Variants in RNF130 observed in about 807,000 individuals in gnomAD.
The protein encoded by RNF130 is ring finger protein 130.
Under a neutral mutation model 44.6 loss-of-function variants are expected in RNF130, and 21 were observed. The observed-to-expected ratio is 0.47, with a 90% CI of 0.33 to 0.68. The LOEUF is 0.68. Ranked by LOEUF, RNF130 falls within the 30% of genes least tolerant of loss-of-function variation. The pLI, the probability that RNF130 is intolerant of heterozygous loss-of-function variation, is 0.02. For missense variants in RNF130, 479 were observed against 560.6 expected (o/e 0.85, Z 1.47); for synonymous variants, 214 against 210.4 (o/e 1.02, Z -0.15).
At chr5:179,988,105 T>C (rs1361262537) in intron 3 of RNF130, among the ~76,000 whole-genome samples, 1 of 152,260 alleles carries the variant, frequency 6.6e-6, no homozygotes, top group East Asian at 1.9e-4. Flanking sequence ...TGAGTTTTTG[T>C]TGAGGGATCA....
intron 7 of RNF130, among the ~76,000 whole-genome samples, chr5:179,935,647 T>A (rs1761879249): frequency 2.0e-5 from 3 of 152,160 alleles, no homozygotes; most frequent in Admixed American, 1.3e-4. Flanking sequence ...TCGCTGGTCC[T>A]ATAGTCCTCT....
intron 2 of RNF130, among the ~76,000 whole-genome samples, chr5:180,032,017 T>C (rs1000675820): frequency 6.6e-6 from 1 of 152,232 alleles, no homozygotes; most frequent in Non-Finnish European, 1.5e-5. Flanking sequence ...ATCAATAAAA[T>C]GTCTAATTAT....
At chr5:179,995,651 T>A (rs1040365181) in intron 3 of RNF130, among the ~76,000 whole-genome samples, 6 of 152,170 alleles carry the variant, frequency 3.9e-5, no homozygotes, top group Non-Finnish European at 8.8e-5. Flanking sequence ...ACTCCCTAAG[T>A]AAGATCCAGG....
At chr5:180,061,064 GTC>G (rs796114292) in intron 1 of RNF130, among the ~76,000 whole-genome samples, 14 of 79,580 alleles carry the variant, frequency 1.8e-4, no homozygotes, top group African/African-American at 7.8e-4. Flanking sequence ...GCGAGACTCC[GTC>G]TCAAAAAAAA....
intron 1 of RNF130, among the ~76,000 whole-genome samples, chr5:180,070,166 T>C (rs779836228): frequency 2.0e-5 from 3 of 152,216 alleles, no homozygotes; most frequent in Non-Finnish European, 2.9e-5. Context: ...GGCAACACTG[T>C]GCATCTCAAC....
At chr5:180,037,451 C>T (rs1764275995) in intron 2 of RNF130, among the ~76,000 whole-genome samples, 2 of 152,148 alleles carry the variant, frequency 1.3e-5, no homozygotes, top group Non-Finnish European at 1.5e-5. Context: ...TCCTCCAACC[C>T]GCACTCAGGA....
intron 3 of RNF130, among the ~76,000 whole-genome samples, chr5:179,983,533 T>A (rs1762888400): frequency 1.3e-5 from 2 of 152,200 alleles, no homozygotes; most frequent in South Asian, 2.1e-4. Flanking sequence ...CTGTCCTGAT[T>A]TCTGAGGCTT....
chr5:180,044,614 A>T (rs1764512968), intron 1 of RNF130, among the ~76,000 whole-genome samples: 1 of 152,246 alleles, frequency 6.6e-6, no homozygotes, highest in East Asian at 1.9e-4. Context: ...TGGACAGATC[A>T]TGGGGTCATG....
At chr5:180,012,240 C>T (rs1763610312) in intron 3 of RNF130, among the ~76,000 whole-genome samples, 1 of 152,134 alleles carries the variant, frequency 6.6e-6, no homozygotes, top group Admixed American at 6.5e-5. Context: ...CCCAGTGTGC[C>T]CATCCCCACA....
chr5:179,934,053 G>C (rs1290147753), intron 7 of RNF130: 2 of 265,838 alleles, frequency 7.5e-6, no homozygotes, highest in Non-Finnish European at 1.5e-5. Context: ...TTTCAGATTT[G>C]CCAGTGGAAT....
downstream of RNF130, among the ~76,000 whole-genome samples, chr5:179,952,456 T>C (rs1009680260): frequency 1.3e-5 from 2 of 152,176 alleles, no homozygotes; most frequent in African/African-American, 4.8e-5. Flanking sequence ...TCTTAAGATT[T>C]TCCAAAAAAC....
chr5:179,951,832 A>G (rs1020774255), downstream of RNF130, among the ~76,000 whole-genome samples: 1 of 152,198 alleles, frequency 6.6e-6, no homozygotes, highest in Non-Finnish European at 1.5e-5. Flanking sequence ...CAATGGGCCA[A>G]AGAAGAAATA....
Position 180,035,251 on chromosome 5 carries a change from T to C in RNF130, c.442+5202A>G, listed in dbSNP as rs1364934128. ...TCATTTTCGTTTGGTTCCAAATGTTTTTAAAATTTCCTTTTGAATTTTTTA... is the reference window on the plus strand; with the variant it reads ...TCATTTTCGTTTGGTTCCAAATGTTCTTAAAATTTCCTTTTGAATTTTTTA... On this transcript the variant is annotated intron_variant, in intron 2 of 8. Coordinates refer to ENST00000521389, the MANE Select transcript of RNF130 (RefSeq NM_018434.6). Among the ~76,000 whole-genome samples, 4 of 152,382 alleles carry C rather than the reference T, an allele frequency of 2.6e-5. No individual in the cohort carries two copies. The East Asian group carries it at 7.7e-4, about 29-fold the overall frequency.
At chr5:179,994,286 T>G (rs1763155241) in intron 3 of RNF130, among the ~76,000 whole-genome samples, 2 of 152,232 alleles carry the variant, frequency 1.3e-5, no homozygotes, top group African/African-American at 4.8e-5. Flanking sequence ...GCATTGAATC[T>G]ATAAATTACC....
At chr5:180,009,475 C>T (rs560772610) in intron 3 of RNF130, among the ~76,000 whole-genome samples, 1 of 152,248 alleles carries the variant, frequency 6.6e-6, no homozygotes, top group African/African-American at 2.4e-5. Flanking sequence ...ATACGGATGG[C>T]AAACAAGCAC....
chr5:180,057,853 C>A (rs1764870884), intron 1 of RNF130, among the ~76,000 whole-genome samples: 1 of 152,174 alleles, frequency 6.6e-6, no homozygotes, highest in Non-Finnish European at 1.5e-5. Flanking sequence ...CGGGAACCTC[C>A]TGAATTGTAG....
chr5:179,923,128 T>G (rs1287520485), intron 7 of RNF130, among the ~76,000 whole-genome samples: 1 of 152,226 alleles, frequency 6.6e-6, no homozygotes, highest in Non-Finnish European at 1.5e-5. Context: ...CCAAGGTCAC[T>G]AAGATTTTCT....
intron 1 of RNF130, among the ~76,000 whole-genome samples, chr5:180,055,626 G>A (rs1044149768): frequency 6.6e-6 from 1 of 152,110 alleles, no homozygotes; most frequent in African/African-American, 2.4e-5. Flanking sequence ...CAGTATAATA[G>A]CCATACACTA....
chr5:179,986,553 A>G (rs1165715852), intron 3 of RNF130, among the ~76,000 whole-genome samples: 1 of 152,224 alleles, frequency 6.6e-6, no homozygotes, highest in African/African-American at 2.4e-5. Flanking sequence ...CGTATGTCAC[A>G]TGACATTTCA....
Sources: allele counts gnomAD v4.1 joint callset (sites outside exome capture counted in the v4.1 genomes callset), GRCh38; gene constraint gnomAD v4.1.1; transcripts MANE v1.5; gene names NCBI Gene and HGNC (gene_info 2026-07-23, HGNC 2026-07-21).